The following ITPR1 variants were observed in gnomAD, a reference collection of about 807,000 sequenced individuals.
ITPR1 encodes inositol 1,4,5-trisphosphate receptor type 1, also known as inositol 1,4,5-trisphosphate-gated calcium channel ITPR1.
In ITPR1, 96 loss-of-function variants were observed where a neutral mutation model predicts 318.4. The observed-to-expected ratio is 0.30, with a 90% confidence interval of 0.26 to 0.36. ITPR1 has a LOEUF of 0.36. Ranked by LOEUF, ITPR1 falls within the 10% of genes least tolerant of loss-of-function variation. The probability of loss-of-function intolerance (pLI) is 1.00; values close to 1 mark genes in which losing one functional copy is unlikely to be tolerated. For synonymous variants in ITPR1, 1,312 were observed against 1,289.9 expected (o/e 1.02, Z -0.37); for missense variants, 2,440 against 3,460.2 (o/e 0.71, Z 7.40).
intron 4 of ITPR1, among the ~76,000 whole-genome samples, chr3:4,598,753 A>G (rs564482898): frequency 1.6e-4 from 24 of 152,324 alleles, no homozygotes; most frequent in East Asian, 7.7e-4. Flanking sequence ...CTTTGTCCCA[A>G]TGTAGTTTTC....
chr3:4,766,750 A>T, intron 45 of ITPR1, 40 bp downstream of exon 45: 1 of 1,463,484 alleles, frequency 6.8e-7, no homozygotes, highest in Non-Finnish European at 9.3e-7. Flanking sequence ...GATCATGAAC[A>T]CCAGAAGAGT....
At chr3:4,827,801 G>A (rs1376357124) in intron 60 of ITPR1, among the ~76,000 whole-genome samples, 1 of 152,170 alleles carries the variant, frequency 6.6e-6, no homozygotes, top group Non-Finnish European at 1.5e-5. Flanking sequence ...GGGAGGGTTT[G>A]GAAAGGGTTA....
intron 39 of ITPR1, among the ~76,000 whole-genome samples, chr3:4,713,056 A>C (rs976273098): frequency 6.6e-6 from 1 of 152,266 alleles, no homozygotes; most frequent in East Asian, 1.9e-4. Context: ...ATAGGCACCT[A>C]GTAGATCTCT....
rs528057369 is a variant in ITPR1, at chr3:4,596,168, A to G, written c.164-31595A>G. The G allele has an allele frequency of 3.3e-5, 5 of 152,292 alleles. No homozygotes were observed. In the South Asian group the frequency reaches 6.2e-4, roughly 19 times the overall value. 9.4% of individuals were successfully genotyped at this position (152,292 alleles called of 1,614,324 possible). The stretch of plus-strand genomic sequence containing the variant: ...TTTCACCGAGCTTAAGTTGCTATCT[A>G]TGTATCTATACTTCAGGTAAGTTTC... On this transcript the variant is annotated intron_variant, in intron 4 of 61. Transcript: ENST00000649015.
At chr3:4,555,733 A>C (rs1053975006) in intron 4 of ITPR1, among the ~76,000 whole-genome samples, 1 of 152,206 alleles carries the variant, frequency 6.6e-6, no homozygotes, top group African/African-American at 2.4e-5. Context: ...TTTATTTTTT[A>C]CCATCATGAG....
In ITPR1 at chr3:4,644,167, C is replaced by T; in HGVS notation, c.557C>T (p.Pro186Leu). 6.2e-7 allele frequency: 1 copy of T among 1,612,118 alleles called. No homozygotes were observed. Among genetic ancestry groups the T allele is most frequent in the Non-Finnish European group, 8.5e-7 (1 of 1,179,144 alleles). Residue 186 changes from proline (P) to leucine (L), a missense_variant, in exon 8 of 62, where the codon CCC (proline) becomes CTC (leucine). Transcript: ENST00000649015. ...ATAGGTGACAAGGTGGTTCTGAACCCCGTCAATGCTGGTCAGCCCCTACAT... is the reference window on the plus strand; with the variant it reads ...ATAGGTGACAAGGTGGTTCTGAACCTCGTCAATGCTGGTCAGCCCCTACAT... Reference protein sequence around the residue: ...VVIGDKVVLNPVNAGQPLHAS... With the variant: ...VVIGDKVVLNLVNAGQPLHAS...
intron 44 of ITPR1, among the ~76,000 whole-genome samples, chr3:4,755,108 G>A (rs1460404338): frequency 6.6e-6 from 1 of 152,060 alleles, no homozygotes; most frequent in Non-Finnish European, 1.5e-5. Context: ...AAAATTGCTG[G>A]AAACAGTGGT....
chr3:4,642,647 AAAG>A (rs2093363481), intron 7 of ITPR1, among the ~76,000 whole-genome samples: 1 of 152,246 alleles, frequency 6.6e-6, no homozygotes. Context: ...CAACCGTAGT[AAAG>A]AAGGAGAGTA....
At chr3:4,782,467 A>T in intron 49 of ITPR1, 152 bp from the exon 50 acceptor site, 1 of 636,788 alleles carries the variant, frequency 1.6e-6, no homozygotes, top group Non-Finnish European at 2.6e-6. Flanking sequence ...CAGTGTCATG[A>T]AGGATTCTGA....
intron 4 of ITPR1, among the ~76,000 whole-genome samples, chr3:4,603,867 A>C (rs940261201): frequency 7.9e-5 from 12 of 152,172 alleles, no homozygotes; most frequent in Admixed American, 3.3e-4. Flanking sequence ...CAGTAATGGC[A>C]TTGCTGGGTT....
At chr3:4,575,593 G>T (rs1050538105) in intron 4 of ITPR1, among the ~76,000 whole-genome samples, 1 of 151,960 alleles carries the variant, frequency 6.6e-6, no homozygotes, top group Non-Finnish European at 1.5e-5. Context: ...AATGTGTTTT[G>T]TTATTGTGAA....
At position 4,766,520 on chromosome 3, in the gene ITPR1, T is replaced by G; in HGVS notation, c.5545-10T>G. 1 of 1,613,052 alleles carries G rather than the reference T, an allele frequency of 6.2e-7. No individual in the cohort carries two copies. Among genetic ancestry groups the G allele is most frequent in the Non-Finnish European group, 8.5e-7 (1 of 1,179,206 alleles). On this transcript the variant is annotated splice_polypyrimidine_tract_variant and intron_variant, in intron 44 of 61. Coordinates refer to ENST00000649015, the MANE Select transcript of ITPR1 (RefSeq NM_001378452.1). ...TACAGTGTTCACAATCTATGGATTT[T>G]CCTTTGCAGCACTCCTTTTTCTGTC...
At chr3:4,641,188 T>A (rs2093329533) in intron 6 of ITPR1, among the ~76,000 whole-genome samples, 1 of 152,220 alleles carries the variant, frequency 6.6e-6, no homozygotes, top group Non-Finnish European at 1.5e-5. Context: ...TATAGCCTGT[T>A]GAGTTGGGAA....
At chr3:4,833,487 A>T (rs772117411) in intron 60 of ITPR1, among the ~76,000 whole-genome samples, 1 of 152,228 alleles carries the variant, frequency 6.6e-6, no homozygotes, top group Non-Finnish European at 1.5e-5. Context: ...CTAACATTTT[A>T]GGCAGTTTAG....
chr3:4,630,561 C>CATTATT (rs71053435), intron 5 of ITPR1, among the ~76,000 whole-genome samples: 4,133 of 138,670 alleles, frequency 0.03, 113 homozygotes, highest in African/African-American at 0.07. Flanking sequence ...AAATTGTCCG[C>CATTATT]ATTATTATTA....
chr3:4,584,236 C>T (rs899237284), intron 4 of ITPR1, among the ~76,000 whole-genome samples: 7 of 152,012 alleles, frequency 4.6e-5, no homozygotes, highest in African/African-American at 1.7e-4. Flanking sequence ...TTCTCAGCAC[C>T]CACCTCACCC....
chr3:4,690,574 A>T (rs1280345492), intron 31 of ITPR1, among the ~76,000 whole-genome samples: 2 of 152,200 alleles, frequency 1.3e-5, no homozygotes, highest in Non-Finnish European at 2.9e-5. Flanking sequence ...TGACCCAACA[A>T]TTCTGTTCTT....
intron 40 of ITPR1, among the ~76,000 whole-genome samples, chr3:4,718,147 C>T (rs1175254443): frequency 2.6e-5 from 4 of 152,162 alleles, no homozygotes; most frequent in Non-Finnish European, 5.9e-5. Flanking sequence ...TGCATTTCTT[C>T]AGTATTCCTT....
chr3:4,522,354 G>A (rs2082634856), intron 4 of ITPR1, among the ~76,000 whole-genome samples: 3 of 152,156 alleles, frequency 2.0e-5, no homozygotes, highest in Non-Finnish European at 2.9e-5. Flanking sequence ...TTATTGTTTA[G>A]TGGTTTAGAA....
Sources: allele counts gnomAD v4.1 joint callset (sites outside exome capture counted in the v4.1 genomes callset), GRCh38; gene constraint gnomAD v4.1.1; transcripts MANE v1.5; gene names NCBI Gene and HGNC (gene_info 2026-07-23, HGNC 2026-07-21).